The following SPOCK3 variants were observed in gnomAD, a reference collection of about 807,000 sequenced individuals.
SPOCK3 encodes testican-3.
Under a neutral mutation model 56.6 loss-of-function variants are expected in SPOCK3, and 30 were observed. The ratio of observed to expected loss-of-function variants is 0.53; its 90% CI spans 0.40 to 0.72. The LOEUF (loss-of-function observed/expected upper bound fraction) is 0.72. SPOCK3 is among the 30% of genes least tolerant of loss of function. SPOCK3 has a pLI of 0.00. For missense variants in SPOCK3, 527 were observed against 530.0 expected (o/e 0.99, Z 0.06); for synonymous variants, 196 against 183.3 (o/e 1.07, Z -0.56).
At chr4:166,825,866 T>C (rs1745409599) in intron 6 of SPOCK3, among the ~76,000 whole-genome samples, 1 of 151,798 alleles carries the variant, frequency 6.6e-6, no homozygotes, top group African/African-American at 2.4e-5. Context: ...ATAAGAACAA[T>C]AGAACGGACT....
chr4:166,742,084 T>C, intron 8 of SPOCK3, 25 bp from the exon 9 acceptor site: 1 of 1,549,824 alleles, frequency 6.5e-7, no homozygotes, highest in South Asian at 1.1e-5. Context: ...AAAATGTTAC[T>C]TCAAGGATTC....
chr4:167,172,731 T>C (rs931518393), intron 2 of SPOCK3, among the ~76,000 whole-genome samples: 1 of 152,166 alleles, frequency 6.6e-6, no homozygotes, highest in Non-Finnish European at 1.5e-5. Context: ...TGTGTGCATA[T>C]GTATGTATAC....
chr4:166,871,004 C>T (rs958796513), intron 6 of SPOCK3, among the ~76,000 whole-genome samples: 4 of 152,046 alleles, frequency 2.6e-5, no homozygotes, highest in Non-Finnish European at 5.9e-5. Context: ...TCCCCTTTGC[C>T]TTCCATCATG....
rs1483859854 is a variant in SPOCK3 at position 166,993,273 on chromosome 4, A to G, written c.350+7076T>C. Among the ~76,000 whole-genome samples, 3 of 152,168 alleles carry G rather than the reference A, an allele frequency of 2.0e-5. No individual in the cohort carries two copies. In the East Asian group the frequency reaches 5.8e-4, roughly 29 times the overall value. ...TCTCTGACAGGACATGCAAGGGCTTAGCTATGCTCACTCAAAAAAAATTGA... is the reference window on the plus strand; with the variant it reads ...TCTCTGACAGGACATGCAAGGGCTTGGCTATGCTCACTCAAAAAAAATTGA... On this transcript the variant is annotated intron_variant, in intron 4 of 10. Transcript: ENST00000357545.
chr4:166,954,827 G>T (rs867601621), intron 4 of SPOCK3, among the ~76,000 whole-genome samples: 4 of 152,058 alleles, frequency 2.6e-5, no homozygotes, highest in African/African-American at 7.2e-5. Flanking sequence ...TCCCCCACCC[G>T]CAGGTCCAGG....
intron 6 of SPOCK3, among the ~76,000 whole-genome samples, chr4:166,873,366 T>C (rs1308001619): frequency 6.6e-6 from 1 of 152,106 alleles, no homozygotes; most frequent in Non-Finnish European, 1.5e-5. Flanking sequence ...ATATGTACAA[T>C]AACAAGAGTG....
chr4:166,931,478 A>G (rs1194785577), intron 4 of SPOCK3, among the ~76,000 whole-genome samples: 1 of 152,174 alleles, frequency 6.6e-6, no homozygotes, highest in African/African-American at 2.4e-5. Flanking sequence ...TTACATATTA[A>G]TTTTGTTTAT....
chr4:166,996,014 G>A (rs1748330588), intron 4 of SPOCK3, among the ~76,000 whole-genome samples: 1 of 152,042 alleles, frequency 6.6e-6, no homozygotes, highest in Admixed American at 6.6e-5. Flanking sequence ...AATACATTTA[G>A]ATCTTCTTTT....
chr4:167,202,268 C>A (rs1175295832), intron 2 of SPOCK3, among the ~76,000 whole-genome samples: 1 of 151,840 alleles, frequency 6.6e-6, no homozygotes, highest in Non-Finnish European at 1.5e-5. Context: ...AGTCTCATAG[C>A]AGCAACTGCA....
At chr4:167,107,239 C>T in intron 2 of SPOCK3, among the ~76,000 whole-genome samples, 1 of 151,704 alleles carries the variant, frequency 6.6e-6, no homozygotes, top group African/African-American at 2.4e-5. Context: ...TGAATATTAA[C>T]ACAGAAATCC....
chr4:167,104,338 A>G (rs75082360), intron 2 of SPOCK3, among the ~76,000 whole-genome samples: 1,636 of 152,268 alleles, frequency 0.011, 15 homozygotes, highest in Non-Finnish European at 0.018. Flanking sequence ...AATACAAGAG[A>G]ACACAGAAGA....
rs551554840 is a variant in SPOCK3, at chr4:166,958,152, C to T, written c.350+42197G>A. 4.0e-4 allele frequency among the ~76,000 whole-genome samples: 61 copies of T among 152,212 alleles called. 2 individuals carry two copies. Among genetic ancestry groups the T allele is most frequent in the Admixed American group, 2.5e-3 (38 of 15,286 alleles). On this transcript the variant is annotated intron_variant, in intron 4 of 10. Coordinates refer to ENST00000357545, the MANE Select transcript of SPOCK3 (RefSeq NM_001040159.2). Reference sequence around the variant, plus strand: ...TTCTCATGAATGGTTTAACACCATCCGCCTTGATGCTGTCTTCACAATAGT... The same window carrying T: ...TTCTCATGAATGGTTTAACACCATCTGCCTTGATGCTGTCTTCACAATAGT...
intron 3 of SPOCK3, among the ~76,000 whole-genome samples, chr4:167,054,063 A>G (rs1207298828): frequency 1.3e-5 from 2 of 152,204 alleles, no homozygotes; most frequent in Admixed American, 1.3e-4. Flanking sequence ...AAACCTAGAA[A>G]GCATATTTTC....
At chr4:167,143,409 T>G (rs748558610) in intron 2 of SPOCK3, among the ~76,000 whole-genome samples, 3 of 152,042 alleles carry the variant, frequency 2.0e-5, no homozygotes, top group Non-Finnish European at 4.4e-5. Context: ...ATAATATTTT[T>G]TATTACAAAT....
chr4:166,770,003 T>A (rs1450265087), intron 7 of SPOCK3, among the ~76,000 whole-genome samples: 1 of 152,058 alleles, frequency 6.6e-6, no homozygotes, highest in African/African-American at 2.4e-5. Flanking sequence ...CGGGATATAA[T>A]CTCCTGGTGT....
intron 7 of SPOCK3, among the ~76,000 whole-genome samples, chr4:166,791,924 T>A (rs1425611704): frequency 6.6e-6 from 1 of 152,200 alleles, no homozygotes; most frequent in Non-Finnish European, 1.5e-5. Flanking sequence ...TTCCCATTGT[T>A]TCTAGTCTAC....
At chr4:167,159,494 T>A (rs1765098101) in intron 2 of SPOCK3, among the ~76,000 whole-genome samples, 1 of 152,152 alleles carries the variant, frequency 6.6e-6, no homozygotes, top group Non-Finnish European at 1.5e-5. Context: ...CTTCTGAAAC[T>A]ATTCCAATCA....
chr4:166,815,582 A>G (rs1340607249), intron 6 of SPOCK3, among the ~76,000 whole-genome samples: 1 of 152,022 alleles, frequency 6.6e-6, no homozygotes, highest in East Asian at 1.9e-4. Context: ...ACTTGAGGCC[A>G]GGAGTGAGCA....
intron 3 of SPOCK3, among the ~76,000 whole-genome samples, chr4:167,059,971 G>A (rs1356235823): frequency 1.3e-5 from 2 of 151,302 alleles, no homozygotes; most frequent in Middle Eastern, 3.2e-3. Flanking sequence ...ATGGACACAG[G>A]AAGGGGAACA....
Sources: gnomAD v4.1 joint callset for allele counts (sites outside exome capture counted in the v4.1 genomes callset) on GRCh38, gnomAD v4.1.1 for gene constraint, MANE v1.5 for transcripts, NCBI Gene and HGNC (gene_info 2026-07-23, HGNC 2026-07-21) for gene names.